The following NCALD variants were observed in gnomAD, a reference collection of about 807,000 sequenced individuals.
The protein encoded by NCALD is neurocalcin-delta.
A neutral mutation model predicts 18.6 loss-of-function variants in NCALD; 10 were observed. That is an observed-to-expected ratio of 0.54 (90% CI 0.33 to 0.91). The LOEUF is 0.91. Among genes scored for constraint, NCALD ranks in the 40% least tolerant of loss-of-function variants. NCALD has a pLI of 0.03. For missense variants in NCALD, 184 were observed against 247.6 expected, an observed-to-expected ratio of 0.74 and a Z score of 1.72; for synonymous variants, 88 against 87.4, an observed-to-expected ratio of 1.01 and a Z score of -0.04.
chr8:101,983,421 T>C (rs542286550), intron 2 of NCALD, among the ~76,000 whole-genome samples: 58 of 152,244 alleles, frequency 3.8e-4, no homozygotes, highest in Admixed American at 7.8e-4. Flanking sequence ...ATATGAAGTT[T>C]CAAATTCTCT....
At chr8:101,961,451 A>G (rs1819832146) in intron 2 of NCALD, among the ~76,000 whole-genome samples, 1 of 152,140 alleles carries the variant, frequency 6.6e-6, no homozygotes, top group Non-Finnish European at 1.5e-5. Context: ...GTTTTTTTCT[A>G]TCTCATGGTC....
intron 4 of NCALD, among the ~76,000 whole-genome samples, chr8:101,796,020 A>T (rs1812627191): frequency 1.3e-5 from 2 of 152,168 alleles, no homozygotes; most frequent in South Asian, 2.1e-4. Flanking sequence ...AGTGACAGGG[A>T]GACCAAAATT....
chr8:102,118,445 C>T (rs983569705), intron 1 of NCALD, among the ~76,000 whole-genome samples: 13 of 152,226 alleles, frequency 8.5e-5, no homozygotes, highest in African/African-American at 3.1e-4. Flanking sequence ...GCAGTTCATC[C>T]GCCTCCTTAT....
intron 2 of NCALD, among the ~76,000 whole-genome samples, chr8:101,715,152 C>A (rs1056754428): frequency 6.6e-6 from 1 of 152,120 alleles, no homozygotes; most frequent in African/African-American, 2.4e-5. Flanking sequence ...TGGAACAGAA[C>A]AGAGGCCTCA....
At chr8:101,925,017 T>C (rs1295554460) in intron 2 of NCALD, among the ~76,000 whole-genome samples, 4 of 152,028 alleles carry the variant, frequency 2.6e-5, no homozygotes, top group African/African-American at 9.7e-5. Flanking sequence ...TTTTCCTCAT[T>C]TATATCTCAG....
chr8:101,852,408 A>C (rs1815134480), intron 4 of NCALD, among the ~76,000 whole-genome samples: 1 of 152,142 alleles, frequency 6.6e-6, no homozygotes, highest in Non-Finnish European at 1.5e-5. Flanking sequence ...TTTCACTATT[A>C]GATGCAGGTG....
intron 4 of NCALD, among the ~76,000 whole-genome samples, chr8:101,876,796 G>A (rs1816247028): frequency 6.6e-6 from 1 of 152,228 alleles, no homozygotes. Context: ...GCTAAGCAAT[G>A]TTGCATTTTC....
intron 2 of NCALD, among the ~76,000 whole-genome samples, chr8:101,933,490 T>C (rs1003915946): frequency 6.6e-6 from 1 of 152,202 alleles, no homozygotes; most frequent in Non-Finnish European, 1.5e-5. Context: ...TAAGACTGAT[T>C]TCAGACTTTT....
rs1821149290 is a variant in NCALD, at chr8:101,994,070, G to A, written c.-157+26167C>T. ...ATGTTCACCAAAGCAATTGCCATAA[G>A]AATATCTTTAGGCAGCATTTTTTCC... On this transcript the variant is annotated intron_variant, in intron 2 of 6. Transcript: ENST00000311028. Among the ~76,000 whole-genome samples, 3 of 152,282 alleles carry A rather than the reference G, an allele frequency of 2.0e-5. 1 individual carries two copies. Among genetic ancestry groups the A allele is most frequent in the Middle Eastern group, 6.8e-3 (2 of 294 alleles).
At chr8:101,943,452 T>C (rs1352845285) in intron 2 of NCALD, among the ~76,000 whole-genome samples, 1 of 152,204 alleles carries the variant, frequency 6.6e-6, no homozygotes, top group Non-Finnish European at 1.5e-5. Flanking sequence ...GGCATTTACT[T>C]TCTATGAATA....
intron 1 of NCALD, among the ~76,000 whole-genome samples, chr8:102,075,207 A>G (rs1430381134): frequency 6.6e-6 from 1 of 152,254 alleles, no homozygotes; most frequent in Non-Finnish European, 1.5e-5. Context: ...TAGACAACTC[A>G]CAGCAAGTGC....
rs1351475079 is a variant in NCALD, at chr8:101,928,080, T to C, written c.-156-12222A>G. 2.0e-5 allele frequency among the ~76,000 whole-genome samples: 3 copies of C among 152,048 alleles called. No individual in the cohort carries two copies. The East Asian group carries it at 5.8e-4, about 29-fold the overall frequency. ...GACAAGCTGGGAACTAACTGAAAAA[T>C]GATCCTGCAAAAAAGCCTCACACAG... On this transcript the variant is annotated intron_variant, in intron 2 of 6. Coordinates refer to the NCALD transcript ENST00000311028.
chr8:102,106,158 C>T (rs1825439234), intron 1 of NCALD, among the ~76,000 whole-genome samples: 1 of 151,796 alleles, frequency 6.6e-6, no homozygotes, highest in African/African-American at 2.4e-5. Flanking sequence ...CAACTTCTGC[C>T]TCCCAGGTTC....
At chr8:102,098,295 G>A (rs993088185) in intron 1 of NCALD, among the ~76,000 whole-genome samples, 7 of 152,146 alleles carry the variant, frequency 4.6e-5, no homozygotes, top group African/African-American at 1.7e-4. Flanking sequence ...TGGGATGAGA[G>A]AGCAATTGGG....
intron 3 of NCALD, among the ~76,000 whole-genome samples, chr8:101,906,799 C>G (rs544849198): frequency 6.6e-6 from 1 of 152,166 alleles, no homozygotes; most frequent in African/African-American, 2.4e-5. Context: ...GTGGACATCA[C>G]CCCAGAGCAA....
Position 101,860,924 on chromosome 8 carries a change from T to A in NCALD, c.-20+26217A>T, listed in dbSNP as rs1017093200. On this transcript the variant is annotated intron_variant, in intron 4 of 6. Transcript: ENST00000311028. Reference sequence around the variant, plus strand: ...AGCTGAATGTTAAATTTTTAGAAATTTTGTAAGCTGGTTGTAAAATACAGT... The same window carrying A: ...AGCTGAATGTTAAATTTTTAGAAATATTGTAAGCTGGTTGTAAAATACAGT... Among the ~76,000 whole-genome samples, 7 of 152,124 alleles carry A rather than the reference T, an allele frequency of 4.6e-5. 1 individual carries two copies. The highest frequency in any genetic ancestry group is 4.6e-4 in the Admixed American group (7 of 15,270).
chr8:101,869,678 A>T (rs1586663229), intron 4 of NCALD, among the ~76,000 whole-genome samples: 2 of 152,326 alleles, frequency 1.3e-5, no homozygotes, highest in South Asian at 4.1e-4. Flanking sequence ...ATATTAATTG[A>T]TAACAATAAA....
At chr8:102,086,381 A>G (rs1250514102) in intron 1 of NCALD, among the ~76,000 whole-genome samples, 1 of 152,224 alleles carries the variant, frequency 6.6e-6, no homozygotes, top group African/African-American at 2.4e-5. Flanking sequence ...TCTTATTCCC[A>G]ATGAATCTAA....
At chr8:101,998,706 C>A (rs1471334684) in intron 2 of NCALD, among the ~76,000 whole-genome samples, 1 of 152,132 alleles carries the variant, frequency 6.6e-6, no homozygotes, top group Non-Finnish European at 1.5e-5. Context: ...GCCAGATCAC[C>A]CTCTGTTTAT....
Sources: allele counts gnomAD v4.1 joint callset (sites outside exome capture counted in the v4.1 genomes callset), GRCh38; gene constraint gnomAD v4.1.1; transcripts MANE v1.5; gene names NCBI Gene and HGNC (gene_info 2026-07-23, HGNC 2026-07-21).